Variants in RALY observed in about 807,000 individuals in gnomAD.
RALY encodes RALY heterogeneous nuclear ribonucleoprotein.
A neutral mutation model predicts 30.7 loss-of-function variants in RALY; 15 were observed. That is an observed-to-expected ratio of 0.49 (90% CI 0.33 to 0.75). The LOEUF is 0.75. Among genes scored for constraint, RALY ranks in the 30% least tolerant of loss-of-function variants. RALY has a pLI of 0.02. For missense variants in RALY, 339 were observed against 414.3 expected (o/e 0.82, Z 1.58); for synonymous variants, 177 against 170.8 (o/e 1.04, Z -0.28).
At chr20:34,076,148 A>C in intron 6 of RALY, 108 bp downstream of exon 6, 1 of 1,320,588 alleles carries the variant, frequency 7.6e-7, no homozygotes, top group Non-Finnish European at 1.0e-6. Context: ...AGTCTTCCAC[A>C]GTTCTGCTGC....
intron 2 of RALY, among the ~76,000 whole-genome samples, chr20:34,056,730 A>G (rs1007126728): frequency 4.6e-5 from 7 of 152,172 alleles, no homozygotes; most frequent in African/African-American, 7.2e-5. Flanking sequence ...TTTCCCTACT[A>G]ATTCACCTCT....
chr20:34,007,820 CAA>C (rs10649045), intron 1 of RALY, among the ~76,000 whole-genome samples: 9,557 of 101,406 alleles, frequency 0.094, 1,144 homozygotes, highest in African/African-American at 0.32. Context: ...AACTCCGTCT[CAA>C]AAAAAAAAAA....
intron 2 of RALY, among the ~76,000 whole-genome samples, chr20:34,053,890 G>T (rs957670851): frequency 6.6e-6 from 1 of 152,092 alleles, no homozygotes; most frequent in Non-Finnish European, 1.5e-5. Context: ...GACAAGGATG[G>T]CATTTTCTGG....
At chr20:34,072,011 G>T (rs2033741192) in intron 2 of RALY, 55 bp from the exon 3 acceptor site, 19 of 1,579,538 alleles carry the variant, frequency 1.2e-5, no homozygotes, top group Non-Finnish European at 1.6e-5. Flanking sequence ...TGGGCCGTGG[G>T]CAGTCCTTGA....
chr20:33,996,411 G>A (rs1035349874), intron 1 of RALY, among the ~76,000 whole-genome samples: 3 of 152,138 alleles, frequency 2.0e-5, no homozygotes, highest in African/African-American at 7.2e-5. Flanking sequence ...TACTTAACGT[G>A]TACCACCAGT....
chr20:34,025,328 A>G (rs6579132), intron 1 of RALY, among the ~76,000 whole-genome samples: 10,023 of 148,226 alleles, frequency 0.068, 1,103 homozygotes, highest in African/African-American at 0.23. Flanking sequence ...TTTTAAGACA[A>G]TCTCAGTCTG....
intron 1 of RALY, among the ~76,000 whole-genome samples, chr20:34,025,682 A>T (rs1306519468): frequency 1.4e-5 from 2 of 146,758 alleles, no homozygotes; most frequent in Non-Finnish European, 3.0e-5. Context: ...GGGACATGCT[A>T]TTTTAAAAAA....
At chr20:34,030,784 A>C (rs1444801735) in intron 1 of RALY, among the ~76,000 whole-genome samples, 1 of 152,070 alleles carries the variant, frequency 6.6e-6, no homozygotes, top group Non-Finnish European at 1.5e-5. Context: ...CTATATTATT[A>C]GTCTTCTTGT....
intron 2 of RALY, among the ~76,000 whole-genome samples, chr20:34,047,048 A>G (rs2032906921): frequency 6.6e-6 from 1 of 151,834 alleles, no homozygotes; most frequent in Non-Finnish European, 1.5e-5. Flanking sequence ...CGAACTACTG[A>G]CCTCAGGTGA....
intron 2 of RALY, among the ~76,000 whole-genome samples, chr20:34,048,173 G>T (rs910574953): frequency 5.9e-5 from 9 of 152,214 alleles, no homozygotes; most frequent in African/African-American, 1.4e-4. Flanking sequence ...GGAAGGAAAA[G>T]ATTCATTAGG....
chr20:34,064,439 G>A (rs574946249), intron 2 of RALY, among the ~76,000 whole-genome samples: 4 of 152,282 alleles, frequency 2.6e-5, no homozygotes, highest in African/African-American at 9.6e-5. Flanking sequence ...GTATAGGACC[G>A]CGCAGTACAG....
chr20:34,052,597 A>C (rs1239225675), intron 2 of RALY, among the ~76,000 whole-genome samples: 1 of 152,214 alleles, frequency 6.6e-6, no homozygotes, highest in African/African-American at 2.4e-5. Flanking sequence ...TGTTTATCCC[A>C]GTAGGCAGGA....
At chr20:34,003,872 C>T (rs1302651558) in intron 1 of RALY, among the ~76,000 whole-genome samples, 1 of 152,102 alleles carries the variant, frequency 6.6e-6, no homozygotes, top group Non-Finnish European at 1.5e-5. Context: ...ATCTCCTGAC[C>T]TCGTGATCCG....
intron 1 of RALY, among the ~76,000 whole-genome samples, chr20:34,011,949 C>T (rs1186282803): frequency 6.6e-6 from 1 of 152,096 alleles, no homozygotes; most frequent in Non-Finnish European, 1.5e-5. Flanking sequence ...GCCTGTAGTC[C>T]CAGCTACTTG....
intron 7 of RALY, 104 bp downstream of exon 7, chr20:34,076,919 TG>T: frequency 1.3e-6 from 2 of 1,593,258 alleles, no homozygotes; most frequent in Non-Finnish European, 1.7e-6. Flanking sequence ...CTGCAGATCC[TG>T]GACCACCTGC....
chr20:34,073,013 A>G (rs2033774525), intron 3 of RALY, among the ~76,000 whole-genome samples: 1 of 151,940 alleles, frequency 6.6e-6, no homozygotes, highest in Non-Finnish European at 1.5e-5. Context: ...TTCATTTACC[A>G]GGTATTTATT....
intron 2 of RALY, among the ~76,000 whole-genome samples, chr20:34,070,039 G>A (rs536989448): frequency 5.3e-5 from 8 of 152,146 alleles, no homozygotes; most frequent in Non-Finnish European, 1.0e-4. Flanking sequence ...TGGTCAGAAC[G>A]TGCCAGCTTC....
intron 2 of RALY, among the ~76,000 whole-genome samples, chr20:34,034,572 TATG>T (rs2032407688): frequency 1.3e-5 from 2 of 152,258 alleles, no homozygotes; most frequent in Non-Finnish European, 2.9e-5. Flanking sequence ...TACATTTATA[TATG>T]ATAAGCTACC....
intron 1 of RALY, among the ~76,000 whole-genome samples, chr20:33,997,637 AT>A (rs1427462351): frequency 6.6e-6 from 1 of 151,982 alleles, no homozygotes; most frequent in East Asian, 1.9e-4. Context: ...CACAGGAGGG[AT>A]TAGCTTTTGG....
Sources: allele counts gnomAD v4.1 joint callset (sites outside exome capture counted in the v4.1 genomes callset), GRCh38; gene constraint gnomAD v4.1.1; transcripts MANE v1.5; gene names NCBI Gene and HGNC (gene_info 2026-07-23, HGNC 2026-07-21).